The following TMEM272 variants were observed in gnomAD, a reference collection of about 807,000 sequenced individuals.
The protein encoded by TMEM272 is long intergenic non-protein coding RNA 282.
TMEM272 carries 8 observed loss-of-function variants against 3.7 expected under a neutral mutation model. That is an observed-to-expected ratio of 2.17 (90% CI 1.27 to 3.91). TMEM272 has a LOEUF of 3.91. Ranked by LOEUF, TMEM272 falls within the 30% of genes most tolerant of loss-of-function variation. The pLI is 0.00. For synonymous variants in TMEM272, 63 were observed against 39.8 expected (o/e 1.58, Z -2.20); for missense variants, 166 against 91.5 (o/e 1.81, Z -3.32).
chr13:51,920,591 C>T, the TMEM272 span, among the ~76,000 whole-genome samples: 2 of 152,208 alleles, frequency 1.3e-5, no homozygotes, highest in Admixed American at 1.3e-4. Context: ...TGCACCAGTG[C>T]TGACCCTCCC....
chr13:51,827,514 A>AT (rs1320285909), intron 2 of TMEM272, among the ~76,000 whole-genome samples: 4 of 151,126 alleles, frequency 2.6e-5, no homozygotes, highest in South Asian at 2.1e-4. Flanking sequence ...CTTGGCCAGC[A>AT]TTTTTTTTTG....
the TMEM272 span, among the ~76,000 whole-genome samples, chr13:51,901,225 G>A: frequency 6.6e-6 from 1 of 152,102 alleles, no homozygotes; most frequent in Non-Finnish European, 1.5e-5. Context: ...TGTGAAGGAA[G>A]AGAACCTGGG....
chr13:51,909,716 A>G, the TMEM272 span: 1 of 1,548,146 alleles, frequency 6.5e-7, no homozygotes, highest in Non-Finnish European at 8.9e-7. Context: ...CTAAGTAAGC[A>G]CCATCTTTCA....
At chr13:51,867,539 T>C in the TMEM272 span, among the ~76,000 whole-genome samples, 1 of 152,114 alleles carries the variant, frequency 6.6e-6, no homozygotes, top group Non-Finnish European at 1.5e-5. Context: ...ACAAATACCC[T>C]TGGTGCCAGG....
chr13:51,847,268 G>A (rs529437495), upstream of TMEM272, among the ~76,000 whole-genome samples: 4 of 152,268 alleles, frequency 2.6e-5, 1 homozygote, highest in East Asian at 7.7e-4. Context: ...AGTGGCAGGT[G>A]AGCAATCATT....
the TMEM272 span, among the ~76,000 whole-genome samples, chr13:51,888,044 A>G: frequency 0.013 from 933 of 73,346 alleles, 13 homozygotes; most frequent in African/African-American, 0.035. Context: ...ACTTGACACA[A>G]TCTTTTTTTT....
chr13:51,887,449 A>G, the TMEM272 span, among the ~76,000 whole-genome samples: 1 of 152,332 alleles, frequency 6.6e-6, no homozygotes, highest in African/African-American at 2.4e-5. Context: ...GGATTTGTTA[A>G]AAATAAAAGG....
At chr13:51,889,182 T>A in the TMEM272 span, among the ~76,000 whole-genome samples, 1 of 152,254 alleles carries the variant, frequency 6.6e-6, no homozygotes, top group African/African-American at 2.4e-5. Flanking sequence ...GTATCTTTTT[T>A]ATTTTAACAA....
At chr13:51,825,523 C>T (rs1284053100) in intron 3 of TMEM272, among the ~76,000 whole-genome samples, 2 of 152,140 alleles carry the variant, frequency 1.3e-5, no homozygotes, top group Non-Finnish European at 2.9e-5. Context: ...CTGGGTGTTT[C>T]GTTGTTGCTG....
the TMEM272 span, among the ~76,000 whole-genome samples, chr13:51,887,351 T>G: frequency 6.6e-6 from 1 of 152,200 alleles, no homozygotes; most frequent in African/African-American, 2.4e-5. Context: ...ATCCTTAAGC[T>G]GCAGGATTCT....
At position 51,816,731 on chromosome 13, in the gene TMEM272, T is replaced by G. The variant is rs954516665; in HGVS notation, c.*20A>C. 13 of 687,830 alleles carry G rather than the reference T, an allele frequency of 1.9e-5. No homozygotes were observed. The highest frequency in any genetic ancestry group is 2.7e-5 in the Non-Finnish European group (10 of 375,518). 42.6% of individuals were successfully genotyped at this position (687,830 alleles called of 1,614,324 possible). A position where few individuals can be genotyped will look rare whatever the true frequency, so the allele number is the denominator to read the frequency against. On this transcript the variant is annotated 3_prime_UTR_variant, in exon 5 of 5. Coordinates refer to ENST00000629372, the MANE Select transcript of TMEM272 (RefSeq NM_001351003.2). ...CATGCACACGCATATGCATACATGG[T>G]ATGCTGGACAAGGCAGCTGTCAGTC...
chr13:51,848,537 C>T (rs1245774310), upstream of TMEM272, among the ~76,000 whole-genome samples: 1 of 152,172 alleles, frequency 6.6e-6, no homozygotes, highest in Non-Finnish European at 1.5e-5. Flanking sequence ...ATACTGCTGA[C>T]TCCAAGCCAG....
At chr13:51,903,340 T>C in the TMEM272 span, among the ~76,000 whole-genome samples, 11 of 152,202 alleles carry the variant, frequency 7.2e-5, no homozygotes, top group Non-Finnish European at 2.9e-5. Context: ...CTTCCCTTCA[T>C]TGCCATTGAG....
At chr13:51,870,614 G>A in the TMEM272 span, among the ~76,000 whole-genome samples, 4 of 152,148 alleles carry the variant, frequency 2.6e-5, no homozygotes, top group African/African-American at 7.2e-5. Context: ...GAAACCAATA[G>A]CAACACAATT....
At chr13:51,865,807 G>A in the TMEM272 span, 4 of 1,614,214 alleles carry the variant, frequency 2.5e-6, no homozygotes, top group South Asian at 4.4e-5. Context: ...ATGCCTTATG[G>A]GAAAGAGACC....
chr13:51,878,119 G>A, the TMEM272 span, among the ~76,000 whole-genome samples: 22 of 152,268 alleles, frequency 1.4e-4, no homozygotes, highest in African/African-American at 5.3e-4. Context: ...CAAAGTGGGG[G>A]AAACGCCCCT....
the TMEM272 span, among the ~76,000 whole-genome samples, chr13:51,851,737 C>A: frequency 3.2e-4 from 49 of 152,236 alleles, no homozygotes; most frequent in African/African-American, 1.1e-3. Flanking sequence ...GTTGGCCAGG[C>A]TGCTCTCAAA....
chr13:51,904,418 A>G, the TMEM272 span, among the ~76,000 whole-genome samples: 3 of 152,188 alleles, frequency 2.0e-5, no homozygotes, highest in African/African-American at 7.2e-5. Context: ...GATGATAATG[A>G]TAATTGATGA....
the TMEM272 span, chr13:51,865,427 GT>G: frequency 1.9e-6 from 3 of 1,611,854 alleles, no homozygotes; most frequent in Non-Finnish European, 1.7e-6. Flanking sequence ...TTCCTTCAAG[GT>G]GAGCAGATGG....
Sources: allele counts gnomAD v4.1 joint callset (sites outside exome capture counted in the v4.1 genomes callset), GRCh38; gene constraint gnomAD v4.1.1; transcripts MANE v1.5; gene names NCBI Gene and HGNC (gene_info 2026-07-23, HGNC 2026-07-21).